ANKRD26: variants seen among roughly 807,000 people sequenced by gnomAD.
The protein encoded by ANKRD26 is ankyrin repeat domain-containing protein 26.
A neutral mutation model predicts 208.7 loss-of-function variants in ANKRD26; 141 were observed. That is an observed-to-expected ratio of 0.68 (90% CI 0.59 to 0.78). The LOEUF is 0.78. ANKRD26 is among the 30% of genes least tolerant of loss of function. The probability of loss-of-function intolerance (pLI) is 0.00; values close to 1 mark genes in which losing one functional copy is unlikely to be tolerated. For missense variants in ANKRD26, 1,889 were observed against 1,938.7 expected (o/e 0.97, Z 0.48); for synonymous variants, 636 against 660.4 (o/e 0.96, Z 0.57).
chr10:26,972,253 A>ATT (rs1564325001), downstream of ANKRD26, among the ~76,000 whole-genome samples: 83 of 150,672 alleles, frequency 5.5e-4, no homozygotes, highest in East Asian at 9.2e-3. Flanking sequence ...AAAAAAAAAG[A>ATT]AAATTATAGT....
downstream of ANKRD26, among the ~76,000 whole-genome samples, chr10:26,973,859 G>A (rs758954301): frequency 6.6e-5 from 10 of 151,952 alleles, no homozygotes; most frequent in South Asian, 1.2e-3. Context: ...GTTTCGCCAT[G>A]TTGGCCAGGC....
At chr10:26,953,217 G>C in the ANKRD26 span, among the ~76,000 whole-genome samples, 1 of 152,074 alleles carries the variant, frequency 6.6e-6, no homozygotes, top group Non-Finnish European at 1.5e-5. Flanking sequence ...TTGAGGCCGG[G>C]ATATCGAGAC....
intron 11 of ANKRD26, 170 bp downstream of exon 11, chr10:27,066,317 G>T: frequency 2.1e-6 from 1 of 466,228 alleles, no homozygotes; most frequent in Non-Finnish European, 3.7e-6. Flanking sequence ...ATACTATGCA[G>T]CAGTAATATA....
chr10:27,001,560 C>CA (rs954172709), downstream of ANKRD26, among the ~76,000 whole-genome samples: 1 of 152,042 alleles, frequency 6.6e-6, no homozygotes, highest in Non-Finnish European at 1.5e-5. Flanking sequence ...GTATAAGGTG[C>CA]AAAAAACTGG....
rs370919244 is a variant in ANKRD26 at position 27,064,248 on chromosome 10, C to T, written c.1270-167G>A. Among the ~76,000 whole-genome samples the T allele has an allele frequency of 1.1e-4, 17 of 151,882 alleles. No individual in the cohort carries two copies. In the East Asian group the frequency reaches 1.4e-3, roughly 12 times the overall value. ...AAACCAAAACATTTCAATAAAGAACCTCATATATGCTCACTAGATTAAGCT... is the reference window on the plus strand; with the variant it reads ...AAACCAAAACATTTCAATAAAGAACTTCATATATGCTCACTAGATTAAGCT... On this transcript the variant is annotated intron_variant, in intron 11 of 33. Transcript: ENST00000376087.
intron 5 of ANKRD26, among the ~76,000 whole-genome samples, chr10:26,994,510 T>C (rs968088062): frequency 6.6e-6 from 1 of 152,020 alleles, no homozygotes; most frequent in African/African-American, 2.4e-5. Context: ...TGTTTCCAAG[T>C]AGATTTCCCT....
At chr10:26,958,089 A>ATATT in the ANKRD26 span, among the ~76,000 whole-genome samples, 330 of 150,018 alleles carry the variant, frequency 2.2e-3, 1 homozygote, top group African/African-American at 7.3e-3. Flanking sequence ...ATATATATAT[A>ATATT]TATTTATTTT....
intron 5 of ANKRD26, among the ~76,000 whole-genome samples, chr10:26,979,706 C>A (rs994324255): frequency 1.3e-5 from 2 of 152,022 alleles, no homozygotes; most frequent in East Asian, 1.9e-4. Context: ...GAGGTGAAAC[C>A]CTTTAACTTC....
intron 3 of ANKRD26, among the ~76,000 whole-genome samples, chr10:26,982,942 C>A (rs1014536772): frequency 1.3e-5 from 2 of 152,192 alleles, no homozygotes; most frequent in Non-Finnish European, 1.5e-5. Flanking sequence ...GGCTTTGGAT[C>A]TGACAGGTTG....
At chr10:27,065,859 C>CTTTT (rs767106612) in intron 11 of ANKRD26, among the ~76,000 whole-genome samples, 1,098 of 72,902 alleles carry the variant, frequency 0.015, no homozygotes, top group Middle Eastern at 0.027. Flanking sequence ...ATAATTCTTT[C>CTTTT]TTTTTTTTTT....
intron 4 of ANKRD26, among the ~76,000 whole-genome samples, chr10:26,997,076 G>A (rs1436569789): frequency 6.6e-6 from 1 of 150,802 alleles, no homozygotes; most frequent in Non-Finnish European, 1.5e-5. Flanking sequence ...AAAAATATAC[G>A]GTCATTATGG....
At chr10:27,021,619 C>A (rs2053492522) in intron 29 of ANKRD26, among the ~76,000 whole-genome samples, 1 of 152,056 alleles carries the variant, frequency 6.6e-6, no homozygotes, top group East Asian at 1.9e-4. Flanking sequence ...AGATTTTTTG[C>A]CTACTTTTGA....
intron 5 of ANKRD26, among the ~76,000 whole-genome samples, chr10:27,084,144 C>T (rs185823770): frequency 1.9e-3 from 281 of 146,730 alleles, no homozygotes; most frequent in Middle Eastern, 7.2e-3. Flanking sequence ...ACCCAGAAGG[C>T]GGAGGTTGCA....
chr10:27,047,719 CTACTAA>C (rs1470630859), intron 17 of ANKRD26, among the ~76,000 whole-genome samples: 25 of 100,546 alleles, frequency 2.5e-4, no homozygotes, highest in African/African-American at 5.4e-4. Flanking sequence ...ACTACTACTA[CTACTAA>C]TAATAATAAT....
At chr10:27,058,062 G>C (rs1392859929) in intron 15 of ANKRD26, among the ~76,000 whole-genome samples, 1 of 151,930 alleles carries the variant, frequency 6.6e-6, no homozygotes, top group Non-Finnish European at 1.5e-5. Context: ...AACAAGAAAT[G>C]AGTATATAAC....
At chr10:27,015,100 A>G (rs549241518) in intron 30 of ANKRD26, among the ~76,000 whole-genome samples, 1 of 152,378 alleles carries the variant, frequency 6.6e-6, no homozygotes, top group African/African-American at 2.4e-5. Context: ...GATATTTTCG[A>G]ATGAAAAATC....
chr10:27,018,675 A>C (rs187674183), intron 29 of ANKRD26, among the ~76,000 whole-genome samples: 1 of 152,306 alleles, frequency 6.6e-6, no homozygotes, highest in African/African-American at 2.4e-5. Context: ...AGAACCTAGA[A>C]ATAAATTCGT....
intron 15 of ANKRD26, among the ~76,000 whole-genome samples, chr10:27,057,029 T>C (rs976716758): frequency 7.9e-5 from 12 of 152,218 alleles, no homozygotes; most frequent in African/African-American, 1.2e-4. Flanking sequence ...GTGATACAGA[T>C]AGATATTTAT....
intron 16 of ANKRD26, chr10:27,051,199 G>A: frequency 7.8e-7 from 1 of 1,289,818 alleles, no homozygotes; most frequent in Non-Finnish European, 1.0e-6. Flanking sequence ...CCACGTGGTG[G>A]AGAAGACCTC....
Sources: gnomAD v4.1 joint callset for allele counts (sites outside exome capture counted in the v4.1 genomes callset) on GRCh38, gnomAD v4.1.1 for gene constraint, MANE v1.5 for transcripts, NCBI Gene and HGNC (gene_info 2026-07-23, HGNC 2026-07-21) for gene names.